MUC4: variants seen among roughly 807,000 people sequenced by gnomAD.
MUC4 encodes mucin-4.
In MUC4, 202 loss-of-function variants were observed where a neutral mutation model predicts 257.9. The ratio of observed to expected loss-of-function variants is 0.78; its 90% CI spans 0.70 to 0.88. The LOEUF (loss-of-function observed/expected upper bound fraction) is 0.88, where lower values mean the gene tolerates loss of function less well. Among genes scored for constraint, MUC4 ranks in the 40% least tolerant of loss-of-function variants. The probability of loss-of-function intolerance (pLI) is 0.00; values close to 1 mark genes in which losing one functional copy is unlikely to be tolerated. For synonymous variants in MUC4, 2,351 were observed against 2,757.1 expected (o/e 0.85, Z 4.62); for missense variants, 5,976 against 6,513.7 (o/e 0.92, Z 2.84).
At chr3:195,767,805 TCACCACCATCACCACCAC>T (rs1365972352) in intron 7 of MUC4, among the ~76,000 whole-genome samples, 2,512 of 33,418 alleles carry the variant, frequency 0.075, 197 homozygotes, top group African/African-American at 0.22. Flanking sequence ...ACCACCATCA[TCACCACCATCACCACCAC>T]CACCACCATC....
chr3:195,798,022 G>C (rs796506165), intron 1 of MUC4, among the ~76,000 whole-genome samples: 3 of 152,150 alleles, frequency 2.0e-5, no homozygotes, highest in East Asian at 1.9e-4. Flanking sequence ...AGAAGTTGAG[G>C]GGGGAGGATC....
chr3:195,807,285 A>C (rs1027902535), intron 1 of MUC4, among the ~76,000 whole-genome samples: 1 of 152,192 alleles, frequency 6.6e-6, no homozygotes, highest in Non-Finnish European at 1.5e-5. Context: ...CCTGGCCAAC[A>C]TGGTGAAACC....
In MUC4 at chr3:195,747,016, A is replaced by T; in HGVS notation, c.*160T>A. The T allele has an allele frequency of 9.6e-7, 1 of 1,042,988 alleles. No homozygotes were observed. The highest frequency in any genetic ancestry group is 1.4e-6 in the Non-Finnish European group (1 of 715,038). The allele number at this position is 1,042,988 out of a possible 1,614,324, so 64.6% of individuals were successfully genotyped here. ...CCCCTGTGCACCTGCGCCTATGGATAAGGTATAGTCTTGTCTTGATTCCCA... is the reference window on the plus strand; with the variant it reads ...CCCCTGTGCACCTGCGCCTATGGATTAGGTATAGTCTTGTCTTGATTCCCA... On this transcript the variant is annotated 3_prime_UTR_variant, in exon 25 of 25. Transcript: ENST00000463781.
rs1720576462 is a variant in MUC4 at position 195,766,705 on chromosome 3, A to G, written c.13576T>C (p.Trp4526Arg). ...AATCTATCAGGGCGATACCTCTCCC[A>G]CACTGGCTGGGACATCAGTGGGCTG... ...ENSPLMSQPV[W>R]ERYRPDRFLN... is the part of the protein sequence containing the mutation. Residue 4526 changes from tryptophan to arginine, a missense_variant, in exon 8 of 25, where the codon TGG (tryptophan) becomes CGG (arginine). By Grantham distance (101) the Trp-to-Arg change is moderately radical. Transcript: ENST00000463781. 6.2e-7 allele frequency: 1 copy of G among 1,614,078 alleles called. No individual in the cohort carries two copies. The highest frequency in any genetic ancestry group is 1.3e-5 in the African/African-American group (1 of 74,928).
intron 13 of MUC4, among the ~76,000 whole-genome samples, 158 bp downstream of exon 13, chr3:195,762,697 G>A (rs3107755): frequency 6.2e-4 from 19 of 30,642 alleles, no homozygotes; most frequent in African/African-American, 9.5e-4. Context: ...GCCCTGCACC[G>A]CAAAGCACTC....
intron 16 of MUC4, among the ~76,000 whole-genome samples, chr3:195,760,605 A>G (rs9714060): frequency 0.21 from 6,020 of 28,060 alleles, 845 homozygotes; most frequent in African/African-American, 0.39. Context: ...GTATGGAGTG[A>G]AGGGGGCTGG....
rs557340292 is a variant in MUC4 at position 195,774,215 on chromosome 3, G to C, written c.13034C>G (p.Ala4345Gly). 12 of 1,608,404 alleles carry C rather than the reference G, an allele frequency of 7.5e-6. No homozygotes were observed. Among genetic ancestry groups the C allele is most frequent in the Non-Finnish European group, 1.0e-5 (12 of 1,177,576 alleles). ...AGAGGAGCCAAGGGGGAAGCCAGTC[G>C]CCGGCTTGAAGAGTGGGGAGGTGAA... ...VDFTSPLFKP[A>G]TGFPLGSSLR... The change falls in exon 4 of 25, where the codon GCG (alanine) becomes GGG (glycine). Residue 4345 changes from alanine (A) to glycine (G), a missense_variant. Coordinates refer to ENST00000463781, the MANE Select transcript of MUC4 (RefSeq NM_018406.7).
At position 195,767,732 on chromosome 3, in the gene MUC4, ACCACCATCACCATCG is replaced by A. The variant is rs1484464469; in HGVS notation, c.13530-996_13530-982del. Among the ~76,000 whole-genome samples the A allele has an allele frequency of 2.4e-3, 37 of 15,736 alleles. 3 individuals carry two copies. Among genetic ancestry groups the A allele is most frequent in the African/African-American group, 8.5e-3 (23 of 2,694 alleles). 10.3% of individuals were successfully genotyped at this position (15,736 alleles called of 152,430 possible). On this transcript the variant is annotated intron_variant, in intron 7 of 24. Coordinates refer to ENST00000463781, the MANE Select transcript of MUC4 (RefSeq NM_018406.7). ...ACCATCGGCCACCACCACCATCACC[ACCACCATCACCATCG>A]CCACCACCACCATCACCACCACCAC... is the stretch of plus-strand genomic sequence containing the variant.
Position 195,778,936 on chromosome 3 carries a change from G to A in MUC4, c.12644C>T (p.Ser4215Phe). The A allele has an allele frequency of 2.0e-6, 3 of 1,513,622 alleles. No homozygotes were observed. In the South Asian group the frequency reaches 3.8e-5, roughly 19 times the overall value. The allele number at this position is 1,513,622 out of a possible 1,614,324, so 93.8% of individuals were successfully genotyped here. The change falls in exon 2 of 25, where the codon TCC (serine) becomes TTC (phenylalanine). Residue 4215 changes from serine (S) to phenylalanine (F), a missense_variant. By Grantham distance (155) the Ser-to-Phe change is radical. Coordinates refer to ENST00000463781, the MANE Select transcript of MUC4 (RefSeq NM_018406.7). ...GGTGGCGTGACCTGTGGATGCTGAGGAAGTGTCGGTGACAGGAAGAGGGGT... is the reference window on the plus strand; with the variant it reads ...GGTGGCGTGACCTGTGGATGCTGAGAAAGTGTCGGTGACAGGAAGAGGGGT... Reference protein sequence around the residue: ...HATPLPVTDTSSASTGHATPL... With the variant: ...HATPLPVTDTFSASTGHATPL...
chr3:195,763,038 C>A, intron 12 of MUC4, 93 bp from the exon 13 acceptor site: 1 of 1,084,614 alleles, frequency 9.2e-7, no homozygotes, highest in Non-Finnish European at 1.3e-6. Flanking sequence ...CTGGAAGCTG[C>A]GCCCTGGGCC....
chr3:195,803,903 G>C, intron 1 of MUC4, among the ~76,000 whole-genome samples: 1 of 152,112 alleles, frequency 6.6e-6, no homozygotes, highest in East Asian at 1.9e-4. Flanking sequence ...CTGAGCCTGA[G>C]GCCGAGCCAG....
At chr3:195,801,260 G>A (rs535603604) in intron 1 of MUC4, among the ~76,000 whole-genome samples, 4 of 152,160 alleles carry the variant, frequency 2.6e-5, no homozygotes, top group Admixed American at 6.5e-5. Context: ...CTGGCCAAAC[G>A]CATAAACTTG....
intron 1 of MUC4, among the ~76,000 whole-genome samples, chr3:195,800,998 C>T (rs1046612706): frequency 9.2e-5 from 14 of 152,074 alleles, no homozygotes; most frequent in African/African-American, 3.4e-4. Flanking sequence ...ACCCCACGTT[C>T]AGAAACACTT....
rs1729073517 is a variant in MUC4 at position 195,782,989 on chromosome 3, GA to G, written c.8590del (p.Ser2864LeufsTer140). 1 of 1,189,300 alleles carries G rather than the reference GA, an allele frequency of 8.4e-7. No homozygotes were observed. Among genetic ancestry groups the G allele is most frequent in the Non-Finnish European group, 1.1e-6 (1 of 884,022 alleles). The allele number at this position is 1,189,300 out of a possible 1,614,324, so 73.7% of individuals were successfully genotyped here. A position where few individuals can be genotyped will look rare whatever the true frequency, so the allele number is the denominator to read the frequency against. On this transcript the variant is annotated frameshift_variant, in exon 2 of 25. Coordinates refer to ENST00000463781, the MANE Select transcript of MUC4 (RefSeq NM_018406.7). LOFTEE classifies it high-confidence loss of function. ...TGAGGAAGCGTCGGTGACAGGAAGA[GA>G]GGTGGCGTGACCTGTGGACACTGAG... Reference protein sequence around the residue: ...ASSVSTGHATSLPVTDASSVS... With the variant: ...ASSVSTGHATXLPVTDASSVS...
chr3:195,789,682 G>T lies in MUC4; in HGVS notation c.1898C>A (p.Ala633Asp). The change falls in exon 2 of 25, where the codon GCT (alanine) becomes GAT (aspartate). Residue 633 changes from alanine (A) to aspartate (D), a missense_variant. Ala to Asp is a moderately radical substitution (Grantham distance 126). Transcript: ENST00000463781. ...TTGAGTGTGACCCCTTTGGGAAACA[G>T]CTGGTGATTCCTGAGGAGAGGTGCT... ...STSTSPQESPAVSQRGHTQAP... is the reference protein window; with the variant it reads ...STSTSPQESPDVSQRGHTQAP... 6.2e-7 allele frequency: 1 copy of T among 1,613,994 alleles called. No homozygotes were observed. Among genetic ancestry groups the T allele is most frequent in the South Asian group, 1.1e-5 (1 of 91,072 alleles).
intron 20 of MUC4, 171 bp from the exon 21 acceptor site, chr3:195,752,617 A>G (rs955760765): frequency 1.6e-6 from 1 of 631,382 alleles, no homozygotes; most frequent in Admixed American, 2.6e-5. Context: ...AAGGTCGCTG[A>G]AGAAACCGGG....
chr3:195,794,891 A>G (rs751718659), intron 1 of MUC4, among the ~76,000 whole-genome samples: 6 of 152,190 alleles, frequency 3.9e-5, no homozygotes, highest in Non-Finnish European at 8.8e-5. Context: ...ATTAATAGTA[A>G]CTGCTTACTG....
intron 1 of MUC4, among the ~76,000 whole-genome samples, chr3:195,807,332 G>A (rs116007529): frequency 6.6e-6 from 1 of 152,156 alleles, no homozygotes; most frequent in African/African-American, 2.4e-5. Flanking sequence ...AGCCGCTGTG[G>A]TGTTGGGCGT....
At chr3:195,796,638 C>T (rs1218623833) in intron 1 of MUC4, among the ~76,000 whole-genome samples, 1 of 151,884 alleles carries the variant, frequency 6.6e-6, no homozygotes, top group African/African-American at 2.4e-5. Flanking sequence ...TTGCAGTGAG[C>T]GGAGATCATG....
Sources: allele counts gnomAD v4.1 joint callset (sites outside exome capture counted in the v4.1 genomes callset), GRCh38; gene constraint gnomAD v4.1.1; transcripts MANE v1.5; gene names NCBI Gene and HGNC (gene_info 2026-07-23, HGNC 2026-07-21).